The following ABCA2 variants were observed in gnomAD, a reference collection of about 807,000 sequenced individuals.
ABCA2 encodes ATP-binding cassette sub-family A member 2.
A neutral mutation model predicts 262.8 loss-of-function variants in ABCA2; 84 were observed. That is an observed-to-expected ratio of 0.32 (90% CI 0.27 to 0.38). ABCA2 has a LOEUF of 0.38. Among genes scored for constraint, ABCA2 ranks in the 10% least tolerant of loss-of-function variants. The probability of loss-of-function intolerance (pLI) is 1.00; values close to 1 mark genes in which losing one functional copy is unlikely to be tolerated. For synonymous variants in ABCA2, 1,696 were observed against 1,502.9 expected (o/e 1.13, Z -2.97); for missense variants, 2,662 against 3,405.9 (o/e 0.78, Z 5.44).
upstream of ABCA2, chr9:137,028,801 ACGCT>A (rs1564236874): frequency 7.7e-7 from 1 of 1,303,464 alleles, no homozygotes. This position sits in a 1 kb window ranked among gnomAD's most constrained non-coding sequence, Gnocchi z 6.9. Context: ...GGCCCCAGGA[ACGCT>A]CGCCGTGAGC....
chr9:137,010,427 G>A, intron 40 of ABCA2, 56 bp from the exon 41 acceptor site: 2 of 1,518,414 alleles, frequency 1.3e-6, no homozygotes, highest in Non-Finnish European at 1.8e-6. Context: ...TGCCCCTCTG[G>A]CCCCACCCCA....
At chr9:137,010,427 G>GGCC in intron 40 of ABCA2, 56 bp from the exon 41 acceptor site, 1 of 1,518,402 alleles carries the variant, frequency 6.6e-7, no homozygotes, top group Non-Finnish European at 8.8e-7. Context: ...TGCCCCTCTG[G>GGCC]CCCCACCCCA....
chr9:137,015,483 T>C lies in ABCA2; in HGVS notation c.3628A>G (p.Lys1210Glu). ...CGGTACCCGTCGCCATAGGTGCCCT[T>C]GAGGAAGAGCGGGGAGCCGCAGCAC... ...LKCCGSPLFL[K>E]GTYGDGYRLT... Residue 1210 changes from lysine to glutamate, a missense_variant, in exon 24 of 49, where the codon AAG (lysine) becomes GAG (glutamate). By Grantham distance (56) the Lys-to-Glu change is moderately conservative (BLOSUM62 1). Transcript: ENST00000341511. 1.2e-6 allele frequency: 2 copies of C among 1,608,772 alleles called. No homozygotes were observed. Among genetic ancestry groups the C allele is most frequent in the African/African-American group, 1.3e-5 (1 of 74,938 alleles).
chr9:137,012,773 T>C lies in ABCA2; in HGVS notation c.5020A>G (p.Ile1674Val). 1.9e-6 allele frequency: 3 copies of C among 1,612,648 alleles called. No homozygotes were observed. The highest frequency in any genetic ancestry group is 1.3e-5 in the African/African-American group (1 of 75,048). Residue 1674 changes from isoleucine to valine, a missense_variant, in exon 31 of 49, where the codon ATC becomes GTC. Ile to Val is a conservative substitution (Grantham distance 29). Transcript: ENST00000341511. The part of the protein sequence containing the change: ...RVVTGDILTD[I>V]TGHNVSEYLL... ...TACTCAGAGACATTGTGGCCGGTGA[T>C]GTCGGTCAGGATGTCGCCTGTGACC... is the stretch of plus-strand genomic sequence containing the variant.
Position 137,021,677 on chromosome 9 carries a change from G to C in ABCA2, c.679-67C>G, listed in dbSNP as rs988858762. ...TTGTCCCCAACCACTAGGGCCTCAGGCCTCACCCTGCCCCACCCACTGGCT... is the reference window on the plus strand; with the variant it reads ...TTGTCCCCAACCACTAGGGCCTCAGCCCTCACCCTGCCCCACCCACTGGCT... On this transcript the variant is annotated intron_variant, in intron 7 of 48. Transcript: ENST00000341511. The surrounding 1 kb of genome is among the most constrained non-coding windows in gnomAD (Gnocchi z 6.0). 36 of 1,473,426 alleles carry C rather than the reference G, an allele frequency of 2.4e-5. No individual in the cohort carries two copies. In the Admixed American group the frequency reaches 2.6e-4, roughly 11 times the overall value. 91.3% of individuals were successfully genotyped at this position (1,473,426 alleles called of 1,614,324 possible).
upstream of ABCA2, among the ~76,000 whole-genome samples, chr9:137,028,459 G>C (rs1000978184): frequency 6.6e-4 from 100 of 150,404 alleles, 1 homozygote; most frequent in Non-Finnish European, 1.3e-3. The surrounding 1 kb of genome is among the most constrained non-coding windows in gnomAD (Gnocchi z 6.9). Flanking sequence ...GCCGCCCCTC[G>C]CCGGGCGTCA....
Position 137,014,945 on chromosome 9 carries a change from C to A in ABCA2, c.3850G>T (p.Ala1284Ser), listed in dbSNP as rs772704029. The A allele has an allele frequency of 1.5e-5, 23 of 1,564,558 alleles. No individual in the cohort carries two copies. In the South Asian group the frequency reaches 1.9e-4, roughly 13 times the overall value. Residue 1284 changes from alanine to serine, a missense_variant, in exon 25 of 49, where the codon GCC becomes TCC. By Grantham distance (99) the Ala-to-Ser change is moderately conservative. Transcript: ENST00000341511. The part of the protein sequence containing the change: ...ELSYILPSEA[A>S]KKGAFERLFQ... Reference sequence around the variant, plus strand: ...AGGCGCTCGAAAGCCCCCTTCTTGGCGGCCTCGCTGGGCAGGATGTAGGAG... The same window carrying A: ...AGGCGCTCGAAAGCCCCCTTCTTGGAGGCCTCGCTGGGCAGGATGTAGGAG...
At position 137,007,582 on chromosome 9, in the gene ABCA2, G is replaced by A. The variant is rs908689123; in HGVS notation, c.*347C>T. The A allele has an allele frequency of 1.5e-5, 6 of 399,878 alleles. No homozygotes were observed. Among genetic ancestry groups the A allele is most frequent in the Admixed American group, 4.1e-5 (1 of 24,506 alleles). The allele number at this position is 399,878 out of a possible 1,614,324, so 24.8% of individuals were successfully genotyped here. On this transcript the variant is annotated 3_prime_UTR_variant, in exon 49 of 49. Transcript: ENST00000341511. ...AGAGAGAAAAGCTGGTTCCGAGGCC[G>A]GGCAGGAGAAAGGCCAGCAGTGCCT...
In ABCA2 at chr9:137,021,076, G is replaced by A. The variant is rs998608355; in HGVS notation, c.898-15C>T. On this transcript the variant is annotated splice_polypyrimidine_tract_variant and intron_variant, in intron 8 of 48. Coordinates refer to ENST00000341511, the MANE Select transcript of ABCA2 (RefSeq NM_001606.5). The surrounding 1 kb of genome is among the most constrained non-coding windows in gnomAD (Gnocchi z 6.0). ...TCCAGGCCCAGCTGAGGGGAAACAG[G>A]CACGTGGGCAGTGCGGGGTGAGATG... The A allele has an allele frequency of 4.4e-5, 64 of 1,469,216 alleles. No homozygotes were observed. The highest frequency in any genetic ancestry group is 5.4e-5 in the Non-Finnish European group (60 of 1,109,614). 91.0% of individuals were successfully genotyped at this position (1,469,216 alleles called of 1,614,324 possible).
At position 137,013,573 on chromosome 9, in the gene ABCA2, C is replaced by A. The variant is rs371293500; in HGVS notation, c.4448-10G>T. The A allele has an allele frequency of 5.6e-6, 9 of 1,601,994 alleles. No individual in the cohort carries two copies. The highest frequency in any genetic ancestry group is 7.7e-6 in the Non-Finnish European group (9 of 1,176,018). On this transcript the variant is annotated splice_polypyrimidine_tract_variant and intron_variant, in intron 28 of 48. Coordinates refer to ENST00000341511, the MANE Select transcript of ABCA2 (RefSeq NM_001606.5). ...AGCGGGGGCAGATCACCTGGCAGGGCGAGCAGGGAGGCCTGAGCAGGTTCT... is the reference window on the plus strand; with the variant it reads ...AGCGGGGGCAGATCACCTGGCAGGGAGAGCAGGGAGGCCTGAGCAGGTTCT...
In ABCA2 at chr9:137,014,898, C is replaced by T. The variant is rs753591759; in HGVS notation, c.3882+15G>A. 6 of 1,576,874 alleles carry T rather than the reference C, an allele frequency of 3.8e-6. No homozygotes were observed. In the African/African-American group the frequency reaches 4.0e-5, roughly 11 times the overall value. ...CACCACCTGCAACTGCCCCCCGACCCGTGCGCCCTCACACCTGGAAGAGGC... is the reference window on the plus strand; with the variant it reads ...CACCACCTGCAACTGCCCCCCGACCTGTGCGCCCTCACACCTGGAAGAGGC... On this transcript the variant is annotated intron_variant, in intron 25 of 48. Transcript: ENST00000341511.
In ABCA2 at chr9:137,009,296, C is replaced by T. The variant is rs1830948104; in HGVS notation, c.6827+74G>A. 11 of 1,364,732 alleles carry T rather than the reference C, an allele frequency of 8.1e-6. 1 individual carries two copies. In the South Asian group the frequency reaches 1.5e-4, roughly 19 times the overall value. 84.5% of individuals were successfully genotyped at this position (1,364,732 alleles called of 1,614,324 possible). On this transcript the variant is annotated intron_variant, in intron 45 of 48. Coordinates refer to ENST00000341511, the MANE Select transcript of ABCA2 (RefSeq NM_001606.5). ...AGCCCTCACAGCCCTGCAGCCACCC[C>T]CACTCCTGGCCCCGCTGCCTGGCCG... is the stretch of plus-strand genomic sequence containing the variant.
chr9:137,024,605 C>T (rs1470195540), intron 1 of ABCA2, among the ~76,000 whole-genome samples: 1 of 152,196 alleles, frequency 6.6e-6, no homozygotes, highest in Non-Finnish European at 1.5e-5. Flanking sequence ...TGGGGACCAT[C>T]TGAGCCACTA....
chr9:137,008,363 A>T, intron 48 of ABCA2, 53 bp downstream of exon 48: 1 of 1,542,644 alleles, frequency 6.5e-7, no homozygotes, highest in South Asian at 1.2e-5. Context: ...GCCACCAGGC[A>T]GCCTGGGTCC....
intron 6 of ABCA2, 127 bp from the exon 7 acceptor site, chr9:137,022,128 C>T (rs1462357997): frequency 2.4e-5 from 6 of 252,602 alleles, no homozygotes; most frequent in South Asian, 5.6e-5. Flanking sequence ...AGAGTGGGGG[C>T]GTGGCTCAGA....
At chr9:137,020,559 G>T (rs1238256173) in intron 9 of ABCA2, 64 bp from the exon 10 acceptor site, 3 of 1,543,322 alleles carry the variant, frequency 1.9e-6, no homozygotes, top group Non-Finnish European at 2.6e-6. Context: ...AGTGGGAGGG[G>T]CATCGGGATG....
At chr9:137,015,147 G>A (rs1197731372) in intron 24 of ABCA2, 50 bp from the exon 25 acceptor site, 22 of 1,526,636 alleles carry the variant, frequency 1.4e-5, no homozygotes, top group African/African-American at 2.8e-5. Context: ...GCTGGGAGGA[G>A]GGACCCCCAA....
At chr9:137,012,450 C>G in intron 32 of ABCA2, 35 bp downstream of exon 32, 1 of 1,609,424 alleles carries the variant, frequency 6.2e-7, no homozygotes, top group African/African-American at 1.3e-5. Context: ...GGCGGCGCTA[C>G]ACACAGCGGG....
chr9:137,011,064 C>T lies in ABCA2; in HGVS notation c.5965G>A (p.Val1989Ile). 1 of 1,611,932 alleles carries T rather than the reference C, an allele frequency of 6.2e-7. No individual in the cohort carries two copies. The highest frequency in any genetic ancestry group is 2.2e-5 in the East Asian group (1 of 44,846). The change falls in exon 39 of 49, where the codon GTC (valine) becomes ATC (isoleucine). Residue 1989 changes from valine (V) to isoleucine (I), a missense_variant. Physicochemically the swap from Val to Ile is conservative, Grantham distance 29. Transcript: ENST00000341511. The surrounding 1 kb of genome is among the most constrained non-coding windows in gnomAD (Gnocchi z 8.8). ...KMKSPFEWDI[V>I]TRGLVAMAVE... ...GCCATGGCCACCAGTCCGCGGGTGA[C>T]AATGTCCCACTCGAACGGGGACTTC...
Sources: allele counts gnomAD v4.1 joint callset (sites outside exome capture counted in the v4.1 genomes callset), GRCh38; gene constraint gnomAD v4.1.1; non-coding constraint Gnocchi (gnomAD v3.1); transcripts MANE v1.5; gene names NCBI Gene and HGNC (gene_info 2026-07-23, HGNC 2026-07-21).